Variants in KCNIP4 observed in about 807,000 individuals in gnomAD.
KCNIP4 encodes the protein potassium voltage-gated channel interacting protein 4, also known as Kv channel-interacting protein 4.
In KCNIP4, 12 loss-of-function variants were observed where a neutral mutation model predicts 34.0. The ratio of observed to expected loss-of-function variants is 0.35; its 90% confidence interval spans 0.23 to 0.57. The LOEUF (loss-of-function observed/expected upper bound fraction) is 0.57. KCNIP4 is among the 20% of genes least tolerant of loss of function. The pLI is 0.83. For missense variants in KCNIP4, 238 were observed against 311.7 expected (o/e 0.76, Z 1.78); for synonymous variants, 124 against 102.2 (o/e 1.21, Z -1.29).
chr4:21,719,305 T>C (rs907544163), intron 1 of KCNIP4, among the ~76,000 whole-genome samples: 1 of 152,108 alleles, frequency 6.6e-6, no homozygotes, highest in Non-Finnish European at 1.5e-5. Flanking sequence ...TGAAGAAATA[T>C]AGAGGAGTCA....
At chr4:21,494,502 C>T (rs573572027) in intron 1 of KCNIP4, among the ~76,000 whole-genome samples, 58 of 152,126 alleles carry the variant, frequency 3.8e-4, no homozygotes, top group East Asian at 9.7e-4. Flanking sequence ...GTGCTGAGTG[C>T]GGTGGCTTAT....
At chr4:21,262,654 T>C (rs995776536) in intron 1 of KCNIP4, among the ~76,000 whole-genome samples, 6 of 152,178 alleles carry the variant, frequency 3.9e-5, no homozygotes, top group African/African-American at 1.4e-4. Flanking sequence ...TTTACTTCCC[T>C]ACCACTTCTC....
chr4:21,294,295 C>T, intron 1 of KCNIP4, among the ~76,000 whole-genome samples: 1 of 152,124 alleles, frequency 6.6e-6, no homozygotes, highest in Non-Finnish European at 1.5e-5. Context: ...GACTCTGTGT[C>T]TTCCCATTAT....
At chr4:21,613,987 C>CAA (rs558647510) in intron 1 of KCNIP4, among the ~76,000 whole-genome samples, 4 of 131,962 alleles carry the variant, frequency 3.0e-5, no homozygotes, top group Non-Finnish European at 6.6e-5. Context: ...ACTAAAAATA[C>CAA]AAAAAAAAAA....
chr4:21,821,325 C>T (rs1026115880), intron 1 of KCNIP4, among the ~76,000 whole-genome samples: 10 of 152,040 alleles, frequency 6.6e-5, no homozygotes, highest in African/African-American at 2.4e-4. Context: ...CCTGTAGGTG[C>T]CATTGAGGCC....
intron 1 of KCNIP4, among the ~76,000 whole-genome samples, chr4:21,326,067 G>A (rs977541018): frequency 6.6e-6 from 1 of 151,756 alleles, no homozygotes; most frequent in African/African-American, 2.4e-5. Context: ...TGTGTATTCT[G>A]CAGCTGGTAG....
intron 1 of KCNIP4, among the ~76,000 whole-genome samples, chr4:21,707,353 A>G (rs1713360973): frequency 6.6e-6 from 1 of 152,164 alleles, no homozygotes; most frequent in African/African-American, 2.4e-5. Flanking sequence ...AAAAAGTAAA[A>G]CAAAACATCC....
chr4:21,775,049 A>AT (rs1200605564), intron 1 of KCNIP4, among the ~76,000 whole-genome samples: 1 of 151,440 alleles, frequency 6.6e-6, no homozygotes, highest in Non-Finnish European at 1.5e-5. Flanking sequence ...GGTTTTCAGC[A>AT]TTTTTTTCAT....
chr4:21,549,543 C>A (rs781157416), intron 1 of KCNIP4, among the ~76,000 whole-genome samples: 1 of 152,008 alleles, frequency 6.6e-6, no homozygotes, highest in East Asian at 1.9e-4. Flanking sequence ...TTAGGCCTCA[C>A]TAGAAGCCAA....
intron 1 of KCNIP4, among the ~76,000 whole-genome samples, chr4:21,019,844 TA>T (rs1739885919): frequency 6.6e-6 from 1 of 152,138 alleles, no homozygotes; most frequent in Non-Finnish European, 1.5e-5. Context: ...CATTATATGA[TA>T]AGGTTGAAAA....
chr4:21,832,630 T>C (rs1723062382), intron 1 of KCNIP4, among the ~76,000 whole-genome samples: 1 of 151,166 alleles, frequency 6.6e-6, no homozygotes, highest in African/African-American at 2.4e-5. Flanking sequence ...AGGGTACATG[T>C]GCACAATGTG....
intron 2 of KCNIP4, among the ~76,000 whole-genome samples, chr4:20,881,344 G>T (rs1223715016): frequency 6.6e-6 from 1 of 151,924 alleles, no homozygotes; most frequent in African/African-American, 2.4e-5. Flanking sequence ...ATCACTAATT[G>T]AATCCATGAG....
intron 1 of KCNIP4, among the ~76,000 whole-genome samples, chr4:21,145,979 G>GATTT (rs2109226715): frequency 6.6e-6 from 1 of 152,196 alleles, no homozygotes; most frequent in Admixed American, 6.5e-5. Context: ...GTTTAATTCC[G>GATTT]TGTATGAATT....
intron 1 of KCNIP4, among the ~76,000 whole-genome samples, chr4:21,046,898 C>T (rs954654463): frequency 6.6e-6 from 1 of 152,124 alleles, no homozygotes; most frequent in Non-Finnish European, 1.5e-5. Flanking sequence ...TGGTCAGTTG[C>T]TAGCTAATTT....
intron 1 of KCNIP4, among the ~76,000 whole-genome samples, chr4:21,329,517 C>T (rs1341431312): frequency 6.6e-6 from 1 of 152,132 alleles, no homozygotes; most frequent in African/African-American, 2.4e-5. Flanking sequence ...TTCAAGAACT[C>T]CACCATCTAG....
chr4:21,762,451 A>C (rs1718122817), intron 1 of KCNIP4, among the ~76,000 whole-genome samples: 1 of 152,090 alleles, frequency 6.6e-6, no homozygotes, highest in South Asian at 2.1e-4. Flanking sequence ...TCTTATGTGC[A>C]AGTTTCCTTA....
chr4:21,790,592 A>G (rs991539039), intron 1 of KCNIP4, among the ~76,000 whole-genome samples: 9 of 145,606 alleles, frequency 6.2e-5, no homozygotes, highest in African/African-American at 1.1e-4. Context: ...TATGAAATAG[A>G]AAACACATTA....
chr4:21,294,862 A>C (rs9998131), intron 1 of KCNIP4, among the ~76,000 whole-genome samples: 1 of 152,176 alleles, frequency 6.6e-6, no homozygotes, highest in Non-Finnish European at 1.5e-5. Context: ...AATGTGCCCA[A>C]TTTGAATATT....
chr4:21,126,238 T>C (rs945008644), intron 1 of KCNIP4, among the ~76,000 whole-genome samples: 9 of 152,200 alleles, frequency 5.9e-5, no homozygotes, highest in Non-Finnish European at 1.2e-4. Flanking sequence ...AGTCCAGGGC[T>C]GAAATCAGAA....
Sources: gnomAD v4.1 joint callset for allele counts (sites outside exome capture counted in the v4.1 genomes callset) on GRCh38, gnomAD v4.1.1 for gene constraint, MANE v1.5 for transcripts, NCBI Gene and HGNC (gene_info 2026-07-23, HGNC 2026-07-21) for gene names.